Variants in LIMD1 observed in about 807,000 individuals in gnomAD.
LIMD1 encodes the protein LIM domain containing 1.
In LIMD1, 23 loss-of-function variants were observed where a neutral mutation model predicts 58.4. That is an observed-to-expected ratio of 0.39 (90% confidence interval 0.28 to 0.56). The LOEUF (loss-of-function observed/expected upper bound fraction) is 0.56. Ranked by LOEUF, LIMD1 falls within the 20% of genes least tolerant of loss-of-function variation. The pLI is 0.57. For synonymous variants in LIMD1, 334 were observed against 345.5 expected (o/e 0.97, Z 0.37); for missense variants, 838 against 855.5 (o/e 0.98, Z 0.25).
At chr3:45,648,975 T>C (rs1701934592) in intron 2 of LIMD1, among the ~76,000 whole-genome samples, 1 of 152,240 alleles carries the variant, frequency 6.6e-6, no homozygotes, top group African/African-American at 2.4e-5. Flanking sequence ...GAATATTTTC[T>C]TTCATTCTGT....
In LIMD1 at chr3:45,646,697, T is replaced by TC. The variant is rs974549431; in HGVS notation, c.1510+10446_1510+10447insC. ...AAGCCTCTTGTTCCTAAATCTTTTT[T>TC]TTTTTTTTTTGAGACAGTCTCACTC... On this transcript the variant is annotated intron_variant, in intron 2 of 7. Transcript: ENST00000273317. 6.2e-4 allele frequency among the ~76,000 whole-genome samples: 93 copies of TC among 150,420 alleles called. 2 individuals are homozygous for TC. Among genetic ancestry groups the TC allele is most frequent in the African/African-American group, 2.1e-3 (88 of 41,136 alleles).
At chr3:45,627,688 C>T (rs1185284800) in intron 1 of LIMD1, among the ~76,000 whole-genome samples, 1 of 144,644 alleles carries the variant, frequency 6.9e-6, no homozygotes, top group Non-Finnish European at 1.5e-5. Flanking sequence ...ACTGGATGAA[C>T]CTCCTGCCTA....
intron 2 of LIMD1, among the ~76,000 whole-genome samples, chr3:45,637,346 T>C (rs1211237916): frequency 6.6e-6 from 1 of 151,688 alleles, no homozygotes; most frequent in Non-Finnish European, 1.5e-5. Flanking sequence ...AGTGGTGCTA[T>C]CTCAGCTCAC....
At chr3:45,623,471 C>T (rs546391827) in intron 1 of LIMD1, among the ~76,000 whole-genome samples, 113 of 152,230 alleles carry the variant, frequency 7.4e-4, no homozygotes, top group African/African-American at 2.4e-3. Context: ...AGTATACCTA[C>T]GGGCAGTCTG....
rs1179227236 is a variant in LIMD1 at position 45,679,870 on chromosome 3, A to G, written c.*2811A>G. 2.0e-5 allele frequency: 3 copies of G among 152,074 alleles called. No individual in the cohort carries two copies. Among genetic ancestry groups the G allele is most frequent in the Non-Finnish European group, 4.4e-5 (3 of 68,018 alleles). The allele number at this position is 152,074 out of a possible 1,614,324, so 9.4% of individuals were successfully genotyped here. ...GCCGTCTTGGTTCATCTCACCACAG[A>G]AGGGCATTTAGTCCTACCCAGCCAT... On this transcript the variant is annotated 3_prime_UTR_variant, in exon 8 of 8. Transcript: ENST00000273317.
intron 1 of LIMD1, among the ~76,000 whole-genome samples, chr3:45,630,598 G>C (rs1411347583): frequency 6.6e-6 from 1 of 152,144 alleles, no homozygotes; most frequent in Admixed American, 6.5e-5. Context: ...GGACAAGGTA[G>C]AATGGGAGGT....
chr3:45,619,828 G>A (rs7427038), intron 1 of LIMD1, among the ~76,000 whole-genome samples: 1 of 87,528 alleles, frequency 1.1e-5, no homozygotes, highest in Admixed American at 1.4e-4. Flanking sequence ...CCAACCCCCC[G>A]CCCCCCCCCC....
intron 2 of LIMD1, among the ~76,000 whole-genome samples, chr3:45,655,797 T>C (rs1390021108): frequency 6.6e-6 from 1 of 152,180 alleles, no homozygotes; most frequent in Admixed American, 6.5e-5. Flanking sequence ...AGCTCCCTAG[T>C]GTTACGTCTC....
chr3:45,677,185 G>A lies in LIMD1; in HGVS notation c.*126G>A. 1 of 1,043,944 alleles carries A rather than the reference G, an allele frequency of 9.6e-7. No homozygotes were observed. The highest frequency in any genetic ancestry group is 1.4e-6 in the Non-Finnish European group (1 of 714,654). 64.7% of individuals were successfully genotyped at this position (1,043,944 alleles called of 1,614,324 possible). On this transcript the variant is annotated 3_prime_UTR_variant, in exon 8 of 8. Transcript: ENST00000273317. ...GGGGCAGGAGGGAGAGTTCCTGTGA[G>A]CATGTGGGGGGTGCCTTTCCTTTAA...
chr3:45,641,887 C>T (rs1469662703), intron 2 of LIMD1, among the ~76,000 whole-genome samples: 1 of 152,206 alleles, frequency 6.6e-6, no homozygotes, highest in Non-Finnish European at 1.5e-5. Context: ...TCAGAGCCCA[C>T]AGCTCTGTTC....
intron 1 of LIMD1, among the ~76,000 whole-genome samples, chr3:45,619,060 A>G (rs992336436): frequency 6.6e-6 from 1 of 152,232 alleles, no homozygotes; most frequent in African/African-American, 2.4e-5. Context: ...TATACTCTCT[A>G]GAAAAGGACA....
Position 45,595,900 on chromosome 3 carries a change from C to G in LIMD1, c.1021C>G (p.Pro341Ala), listed in dbSNP as rs896057068. Reference protein sequence around the residue: ...VDPQPWFQDGPKSYLSSSAPS... With the variant: ...VDPQPWFQDGAKSYLSSSAPS... ...CCCCCAACCCTGGTTCCAGGATGGG[C>G]CCAAATCTTACCTTTCCAGTTCTGC... is the stretch of plus-strand genomic sequence containing the variant. Residue 341 changes from proline to alanine, a missense_variant, in exon 1 of 8, where the codon CCC becomes GCC. Coordinates refer to ENST00000273317, the MANE Select transcript of LIMD1 (RefSeq NM_014240.3). 5 of 1,614,166 alleles carry G rather than the reference C, an allele frequency of 3.1e-6. No individual in the cohort carries two copies. In the Admixed American group the frequency reaches 6.7e-5, roughly 22 times the overall value.
chr3:45,665,155 ACAGTT>A (rs1697499628), intron 2 of LIMD1, among the ~76,000 whole-genome samples: 1 of 152,020 alleles, frequency 6.6e-6, no homozygotes, highest in South Asian at 2.1e-4. Context: ...TGTGTTTTCT[ACAGTT>A]TAGGTGAGAA....
intron 1 of LIMD1, among the ~76,000 whole-genome samples, chr3:45,633,131 G>A (rs1157998034): frequency 6.6e-6 from 1 of 152,190 alleles, no homozygotes. Flanking sequence ...ACTGGTGGGG[G>A]CTCCCTGTTG....
chr3:45,646,504 C>T lies in LIMD1; in HGVS notation c.1510+10253C>T, dbSNP rs1292276351. ...CCTCTCTCTGACCTGTAGACCTGCACCATCTAACACAGCAGCTACTGGCCA... is the reference window on the plus strand; with the variant it reads ...CCTCTCTCTGACCTGTAGACCTGCATCATCTAACACAGCAGCTACTGGCCA... On this transcript the variant is annotated intron_variant, in intron 2 of 7. Transcript: ENST00000273317. 2.6e-5 allele frequency among the ~76,000 whole-genome samples: 4 copies of T among 152,308 alleles called. No individual in the cohort carries two copies. The South Asian group carries it at 6.2e-4, about 24-fold the overall frequency.
chr3:45,608,695 C>G (rs552936008), intron 1 of LIMD1, among the ~76,000 whole-genome samples: 1 of 151,968 alleles, frequency 6.6e-6, no homozygotes, highest in Non-Finnish European at 1.5e-5. Context: ...CAAAAATTAG[C>G]TGGGTGTGGT....
At chr3:45,622,539 G>A (rs1701636933) in intron 1 of LIMD1, among the ~76,000 whole-genome samples, 1 of 152,146 alleles carries the variant, frequency 6.6e-6, no homozygotes, top group Admixed American at 6.5e-5. Flanking sequence ...AAAATTACGT[G>A]AATGTGGTCT....
At chr3:45,629,207 T>G (rs1036735199) in intron 1 of LIMD1, among the ~76,000 whole-genome samples, 5 of 150,456 alleles carry the variant, frequency 3.3e-5, no homozygotes, top group African/African-American at 9.8e-5. Context: ...AGGTCAGGAG[T>G]TCAAGACCAG....
chr3:45,594,808 C>CACACACACACGGCACCTGG lies in LIMD1; in HGVS notation c.-62_-61insGGCACCTGGACACACACAC. 1 of 652,470 alleles carries CACACACACACGGCACCTGG rather than the reference C, an allele frequency of 1.5e-6. No homozygotes were observed. The highest frequency in any genetic ancestry group is 1.8e-5 in the African/African-American group (1 of 54,690). The allele number at this position is 652,470 out of a possible 1,614,324, so 40.4% of individuals were successfully genotyped here. On this transcript the variant is annotated 5_prime_UTR_variant, in exon 1 of 8. Transcript: ENST00000273317. ...ACACACACACACACACACACACACA[C>CACACACACACGGCACCTGG]ACACACACACACACACACACACACA...
Sources: allele counts gnomAD v4.1 joint callset (sites outside exome capture counted in the v4.1 genomes callset), GRCh38; gene constraint gnomAD v4.1.1; transcripts MANE v1.5; gene names NCBI Gene and HGNC (gene_info 2026-07-23, HGNC 2026-07-21).